CCBE1: variants seen among roughly 807,000 people sequenced by gnomAD.
The protein encoded by CCBE1 is collagen and calcium-binding EGF domain-containing protein 1.
Under a neutral mutation model 50.0 loss-of-function variants are expected in CCBE1, and 37 were observed. The ratio of observed to expected loss-of-function variants is 0.74; its 90% CI spans 0.57 to 0.97. CCBE1 has a LOEUF of 0.97. Among genes scored for constraint, CCBE1 ranks in the 50% least tolerant of loss-of-function variants. The pLI, the probability that CCBE1 is intolerant of heterozygous loss-of-function variation, is 0.00. For missense variants in CCBE1, 538 were observed against 523.8 expected, an observed-to-expected ratio of 1.03 and a Z score of -0.26; for synonymous variants, 234 against 203.7, an observed-to-expected ratio of 1.15 and a Z score of -1.27.
At chr18:59,482,735 T>C (rs1180105379) in intron 2 of CCBE1, among the ~76,000 whole-genome samples, 1 of 151,976 alleles carries the variant, frequency 6.6e-6, no homozygotes, top group African/African-American at 2.4e-5. Flanking sequence ...CTTTGTCTCA[T>C]TGTCTCCTGC....
chr18:59,547,541 T>C (rs1915754370), intron 2 of CCBE1, among the ~76,000 whole-genome samples: 1 of 152,072 alleles, frequency 6.6e-6, no homozygotes, highest in African/African-American at 2.4e-5. Flanking sequence ...CAATTTAAAT[T>C]AGCACAAAAA....
At chr18:59,650,328 A>T (rs1034230631) in intron 2 of CCBE1, among the ~76,000 whole-genome samples, 1 of 150,528 alleles carries the variant, frequency 6.6e-6, no homozygotes, top group South Asian at 2.1e-4. Flanking sequence ...GCAGCATCCA[A>T]GCTCTCCACT....
At chr18:59,517,825 T>C (rs926245261) in intron 2 of CCBE1, among the ~76,000 whole-genome samples, 1 of 152,102 alleles carries the variant, frequency 6.6e-6, no homozygotes. Context: ...ACTCCTTGAG[T>C]TTGGAAGAGA....
At chr18:59,466,329 A>C (rs924814899) in intron 5 of CCBE1, among the ~76,000 whole-genome samples, 5 of 152,012 alleles carry the variant, frequency 3.3e-5, no homozygotes, top group African/African-American at 1.2e-4. Flanking sequence ...TACAAGGGGC[A>C]GTTCTCCGGT....
At chr18:59,511,537 T>C (rs545142910) in intron 2 of CCBE1, among the ~76,000 whole-genome samples, 18 of 152,342 alleles carry the variant, frequency 1.2e-4, no homozygotes, top group Non-Finnish European at 2.1e-4. Flanking sequence ...TTTCTTACAT[T>C]CATATAATGT....
intron 2 of CCBE1, among the ~76,000 whole-genome samples, chr18:59,486,185 C>G (rs1442269688): frequency 6.6e-6 from 1 of 152,160 alleles, no homozygotes; most frequent in East Asian, 1.9e-4. Flanking sequence ...GACAGTATTA[C>G]AGATAATATA....
chr18:59,557,860 A>G (rs1031585035), intron 2 of CCBE1, among the ~76,000 whole-genome samples: 1 of 152,234 alleles, frequency 6.6e-6, no homozygotes, highest in African/African-American at 2.4e-5. Context: ...TCAAAACACC[A>G]AGAACCTGGA....
At chr18:59,536,744 C>G (rs570774142) in intron 2 of CCBE1, among the ~76,000 whole-genome samples, 14 of 152,124 alleles carry the variant, frequency 9.2e-5, no homozygotes, top group Non-Finnish European at 1.6e-4. Flanking sequence ...AATCTCTGCA[C>G]TCTAGGAGGC....
intron 2 of CCBE1, among the ~76,000 whole-genome samples, chr18:59,625,801 C>T (rs1387024161): frequency 6.6e-6 from 1 of 151,974 alleles, no homozygotes; most frequent in Non-Finnish European, 1.5e-5. Flanking sequence ...TGTGTTGGTA[C>T]TGAGGGGTGG....
intron 2 of CCBE1, among the ~76,000 whole-genome samples, chr18:59,482,889 T>A (rs1912640025): frequency 6.8e-6 from 1 of 146,294 alleles, no homozygotes; most frequent in Non-Finnish European, 1.5e-5. Context: ...TTACCGTTTT[T>A]AAGAAGTATT....
chr18:59,475,261 A>G (rs1011337018), intron 3 of CCBE1, among the ~76,000 whole-genome samples: 7 of 152,250 alleles, frequency 4.6e-5, no homozygotes, highest in African/African-American at 1.2e-4. Flanking sequence ...GATTAAATCC[A>G]TTTGGGATAA....
intron 7 of CCBE1, among the ~76,000 whole-genome samples, chr18:59,447,029 A>C (rs141571847): frequency 6.6e-6 from 1 of 152,190 alleles, no homozygotes; most frequent in African/African-American, 2.4e-5. Flanking sequence ...AAAAATATAA[A>C]ATAACTTGGA....
rs377022713 is a variant in CCBE1, at chr18:59,638,188, G to T, written c.212+58441C>A. On this transcript the variant is annotated intron_variant, in intron 2 of 10. Coordinates refer to ENST00000439986, the MANE Select transcript of CCBE1 (RefSeq NM_133459.4). ...ATGTTATCTCAAAACATGAAAAGAT[G>T]ATCAATAAAATTTGACAGTGATTTC... is the stretch of plus-strand genomic sequence containing the variant. Among the ~76,000 whole-genome samples, 7 of 152,278 alleles carry T rather than the reference G, an allele frequency of 4.6e-5. No individual in the cohort carries two copies. The East Asian group carries it at 7.7e-4, about 17-fold the overall frequency.
At chr18:59,449,507 G>A (rs541290289) in intron 6 of CCBE1, among the ~76,000 whole-genome samples, 52 of 151,932 alleles carry the variant, frequency 3.4e-4, no homozygotes, top group African/African-American at 1.1e-3. Flanking sequence ...CTGTAGTCCC[G>A]GCTACTTGGG....
At chr18:59,634,824 C>A (rs572155458) in intron 2 of CCBE1, among the ~76,000 whole-genome samples, 1 of 151,976 alleles carries the variant, frequency 6.6e-6, no homozygotes, top group Admixed American at 6.6e-5. Flanking sequence ...CAGATAGAGT[C>A]GACACAGTTA....
chr18:59,611,417 A>T (rs760729509), intron 2 of CCBE1, among the ~76,000 whole-genome samples: 4 of 152,262 alleles, frequency 2.6e-5, no homozygotes, highest in Admixed American at 6.5e-5. Context: ...TTTTAGGAGA[A>T]GCCCACACAT....
intron 2 of CCBE1, among the ~76,000 whole-genome samples, chr18:59,506,828 A>G (rs1376823635): frequency 6.6e-6 from 1 of 152,230 alleles, no homozygotes; most frequent in Admixed American, 6.5e-5. Context: ...CACCTCTGGG[A>G]CAATAAAACT....
At chr18:59,675,795 G>C (rs2054492929) in intron 2 of CCBE1, among the ~76,000 whole-genome samples, 1 of 152,154 alleles carries the variant, frequency 6.6e-6, no homozygotes, top group African/African-American at 2.4e-5. Flanking sequence ...TGCTGCTAGA[G>C]GAGGTATACA....
intron 2 of CCBE1, among the ~76,000 whole-genome samples, chr18:59,630,728 A>G (rs1253881195): frequency 1.3e-5 from 2 of 152,228 alleles, no homozygotes; most frequent in Non-Finnish European, 2.9e-5. Flanking sequence ...TAAGGGTCCC[A>G]ATGAACAAGG....
Sources: allele counts gnomAD v4.1 joint callset (sites outside exome capture counted in the v4.1 genomes callset), GRCh38; gene constraint gnomAD v4.1.1; transcripts MANE v1.5; gene names NCBI Gene and HGNC (gene_info 2026-07-23, HGNC 2026-07-21).